GCSH: variants seen among roughly 807,000 people sequenced by gnomAD.
The protein encoded by GCSH is glycine cleavage system H protein, mitochondrial.
Under a neutral mutation model 21.3 loss-of-function variants are expected in GCSH, and 15 were observed. That is an observed-to-expected ratio of 0.70 (90% CI 0.47 to 1.08). GCSH has a LOEUF of 1.08. GCSH is among the 50% of genes least tolerant of loss of function. GCSH has a pLI of 0.00. For synonymous variants in GCSH, 59 were observed against 84.5 expected (o/e 0.70, Z 1.66); for missense variants, 179 against 217.5 (o/e 0.82, Z 1.11).
intron 1 of GCSH, among the ~76,000 whole-genome samples, chr16:81,091,501 A>G (rs943422670): frequency 6.6e-6 from 1 of 152,196 alleles, no homozygotes; most frequent in African/African-American, 2.4e-5. Context: ...GAGTAAAAAG[A>G]GTTATTTAGG....
intron 1 of GCSH, among the ~76,000 whole-genome samples, chr16:81,094,335 T>C (rs1200527109): frequency 6.6e-6 from 1 of 152,036 alleles, no homozygotes; most frequent in African/African-American, 2.4e-5. Flanking sequence ...TATATTAGTA[T>C]TAGTCAATTT....
At chr16:81,095,426 A>G (rs928360095) in intron 1 of GCSH, among the ~76,000 whole-genome samples, 16 of 145,740 alleles carry the variant, frequency 1.1e-4, no homozygotes, top group Non-Finnish European at 1.9e-4. Context: ...TCTGTCGCCC[A>G]GGCTGGAGTG....
Position 81,084,602 on chromosome 16 carries a change from GAA to G in GCSH, c.293-10_293-9del. The stretch of plus-strand genomic sequence containing the variant: ...CCAAAGCACCAAACTCATCTAAGTG[GAA>G]AAAAAATTAAAGAAAACATGAAATG... On this transcript the variant is annotated splice_polypyrimidine_tract_variant and intron_variant, in intron 3 of 4. Coordinates refer to ENST00000315467, the MANE Select transcript of GCSH (RefSeq NM_004483.5). 1 of 1,593,466 alleles carries G rather than the reference GAA, an allele frequency of 6.3e-7. No individual in the cohort carries two copies. Among genetic ancestry groups the G allele is most frequent in the Admixed American group, 1.7e-5 (1 of 58,998 alleles).
intron 1 of GCSH, 114 bp from the exon 2 acceptor site, chr16:81,090,794 A>G (rs2151771660): frequency 1.3e-6 from 1 of 762,032 alleles, no homozygotes; most frequent in East Asian, 2.6e-5. Context: ...ACCTGTTGAC[A>G]CTACCTTTAA....
intron 3 of GCSH, among the ~76,000 whole-genome samples, chr16:81,085,678 A>T (rs1972258641): frequency 6.6e-6 from 1 of 151,852 alleles, no homozygotes; most frequent in Admixed American, 6.6e-5. Flanking sequence ...AAACCAGCCT[A>T]GCCAACATGG....
In GCSH at chr16:81,096,163, C is replaced by G; in HGVS notation, c.116G>C (p.Arg39Pro). 1 of 1,315,634 alleles carries G rather than the reference C, an allele frequency of 7.6e-7. No homozygotes were observed. The allele number at this position is 1,315,634 out of a possible 1,614,324, so 81.5% of individuals were successfully genotyped here. The part of the protein sequence containing the change: ...RPWQLGVGAV[R>P]TLRTGPALLS... Reference sequence around the variant, plus strand: ...CAGAGCGGGTCCAGTGCGCAGCGTACGGACGGCGCCCACCCCCAGCTGCCA... The same window carrying G: ...CAGAGCGGGTCCAGTGCGCAGCGTAGGGACGGCGCCCACCCCCAGCTGCCA... The change falls in exon 1 of 5, where the codon CGT (arginine) becomes CCT (proline). Residue 39 changes from arginine to proline, a missense_variant. Coordinates refer to ENST00000315467, the MANE Select transcript of GCSH (RefSeq NM_004483.5).
intron 3 of GCSH, among the ~76,000 whole-genome samples, chr16:81,085,206 C>T (rs987323064): frequency 4.0e-5 from 6 of 150,932 alleles, no homozygotes; most frequent in Non-Finnish European, 7.4e-5. Flanking sequence ...GTAGAGACAG[C>T]GTTTCACTGT....
chr16:81,089,752 TA>T (rs1419259032), intron 2 of GCSH, among the ~76,000 whole-genome samples: 1 of 152,220 alleles, frequency 6.6e-6, no homozygotes, highest in African/African-American at 2.4e-5. Context: ...CATTTTCTCT[TA>T]AACAGTATCG....
intron 3 of GCSH, among the ~76,000 whole-genome samples, chr16:81,085,674 G>C (rs1318691468): frequency 1.3e-5 from 2 of 152,020 alleles, no homozygotes; most frequent in African/African-American, 4.8e-5. Flanking sequence ...TTTGAAACCA[G>C]CCTAGCCAAC....
rs371422096 is a variant in GCSH, at chr16:81,093,526, G to A, written c.148+2605C>T. ...TTGGCCCCAAGTTTAGAGGGAGACG[G>A]CAACATTACAGGTAATGTTACCCCT... On this transcript the variant is annotated intron_variant, in intron 1 of 4. Transcript: ENST00000315467. Among the ~76,000 whole-genome samples, 61 of 152,104 alleles carry A rather than the reference G, an allele frequency of 4.0e-4. 1 individual carries two copies. The South Asian group carries it at 0.012, about 31-fold the overall frequency.
intron 1 of GCSH, among the ~76,000 whole-genome samples, chr16:81,092,256 C>A (rs1972412373): frequency 6.6e-6 from 1 of 152,028 alleles, no homozygotes; most frequent in East Asian, 1.9e-4. Flanking sequence ...CCACTATCCC[C>A]CAGCACACAC....
chr16:81,090,421 T>C lies in GCSH; in HGVS notation c.228+180A>G, dbSNP rs1972375534. Among the ~76,000 whole-genome samples, 11 of 151,988 alleles carry C rather than the reference T, an allele frequency of 7.2e-5. No homozygotes were observed. The South Asian group carries it at 2.3e-3, about 32-fold the overall frequency. The stretch of plus-strand genomic sequence containing the variant: ...ACTTTTGGTAGAGACGGGGTCTCAC[T>C]TTGTTGACCAGGCTGGTCTTGAACT... On this transcript the variant is annotated intron_variant, in intron 2 of 4. Transcript: ENST00000315467.
At chr16:81,088,671 G>C (rs942099821) in intron 2 of GCSH, among the ~76,000 whole-genome samples, 1 of 152,144 alleles carries the variant, frequency 6.6e-6, no homozygotes, top group South Asian at 2.1e-4. Flanking sequence ...AAAGTGCTAG[G>C]ATTACAGGTG....
intron 1 of GCSH, among the ~76,000 whole-genome samples, chr16:81,094,784 T>C (rs919208754): frequency 6.6e-6 from 1 of 150,834 alleles, no homozygotes; most frequent in African/African-American, 2.4e-5. Context: ...GCAGTCAGTG[T>C]ATCAAACATT....
rs1297601375 is a variant in GCSH, at chr16:81,090,658, G to A, written c.171C>T (p.His57=). Residue 57 remains histidine (H), a synonymous_variant, in exon 2 of 5, where the codon CAC becomes CAT. Coordinates refer to ENST00000315467, the MANE Select transcript of GCSH (RefSeq NM_004483.5). Reference sequence around the variant, plus strand: ...TGCCATTTTCTGTTGTTACCCATTCGTGTTTCTCTGTGAATTTACGCACTA... The same window carrying A: ...TGCCATTTTCTGTTGTTACCCATTCATGTTTCTCTGTGAATTTACGCACTA... ...LLSVRKFTEK[H]EWVTTENGIG... is the part of the protein sequence containing the mutation. 9 of 1,612,406 alleles carry A rather than the reference G, an allele frequency of 5.6e-6. No individual in the cohort carries two copies. In the East Asian group the frequency reaches 1.1e-4, roughly 20 times the overall value.
At chr16:81,094,545 G>C (rs1216869691) in intron 1 of GCSH, among the ~76,000 whole-genome samples, 4 of 151,856 alleles carry the variant, frequency 2.6e-5, no homozygotes, top group Non-Finnish European at 5.9e-5. Context: ...CCACAGACTT[G>C]AAACTAAATT....
intron 1 of GCSH, among the ~76,000 whole-genome samples, chr16:81,094,335 T>G (rs1200527109): frequency 6.6e-6 from 1 of 152,036 alleles, no homozygotes; most frequent in East Asian, 1.9e-4. Flanking sequence ...TATATTAGTA[T>G]TAGTCAATTT....
chr16:81,096,232 A>G lies in GCSH; in HGVS notation c.47T>C (p.Leu16Pro), dbSNP rs1972506731. The change falls in exon 1 of 5, where the codon CTG (leucine) becomes CCG (proline). Residue 16 changes from leucine (L) to proline (P), a missense_variant. Leu to Pro is a moderately conservative substitution (Grantham distance 98). Transcript: ENST00000315467. The stretch of plus-strand genomic sequence containing the variant: ...CGCGGCGGGTGACGGGACCGCGCGC[A>G]GGGTGCAGAGCAGGGCCCGCACGCT... ...VRSVRALLCT[L>P]RAVPSPAAPC... The G allele has an allele frequency of 8.4e-6, 11 of 1,315,718 alleles. No individual in the cohort carries two copies. The highest frequency in any genetic ancestry group is 1.1e-5 in the Non-Finnish European group (11 of 1,037,454). The allele number at this position is 1,315,718 out of a possible 1,614,324, so 81.5% of individuals were successfully genotyped here. A position where few individuals can be genotyped will look rare whatever the true frequency, so the allele number is the denominator to read the frequency against.
At chr16:81,086,607 T>C (rs2151768375) in intron 3 of GCSH, among the ~76,000 whole-genome samples, 1 of 150,964 alleles carries the variant, frequency 6.6e-6, no homozygotes, top group South Asian at 2.1e-4. Context: ...GCTGAAAAGT[T>C]AACAGTCTTA....
Sources: allele counts gnomAD v4.1 joint callset (sites outside exome capture counted in the v4.1 genomes callset), GRCh38; gene constraint gnomAD v4.1.1; transcripts MANE v1.5; gene names NCBI Gene and HGNC (gene_info 2026-07-23, HGNC 2026-07-21).